The following TRPC3 variants were observed in gnomAD, a reference collection of about 807,000 sequenced individuals.
TRPC3 encodes short transient receptor potential channel 3.
TRPC3 carries 54 observed loss-of-function variants against 90.9 expected under a neutral mutation model. That is an observed-to-expected ratio of 0.59 (90% CI 0.48 to 0.75). The LOEUF (loss-of-function observed/expected upper bound fraction) is 0.75. Among genes scored for constraint, TRPC3 ranks in the 30% least tolerant of loss-of-function variants. The pLI is 0.00. For missense variants in TRPC3, 918 were observed against 1,194.5 expected, an observed-to-expected ratio of 0.77 and a Z score of 3.41; for synonymous variants, 424 against 450.9, an observed-to-expected ratio of 0.94 and a Z score of 0.75.
intron 2 of TRPC3, among the ~76,000 whole-genome samples, chr4:121,927,725 T>C (rs757334406): frequency 6.6e-6 from 1 of 152,144 alleles, no homozygotes; most frequent in Non-Finnish European, 1.5e-5. Flanking sequence ...GAAATTCAGA[T>C]AAAGAACAGT....
intron 6 of TRPC3, 74 bp downstream of exon 6, chr4:121,910,080 T>C (rs982591526): frequency 3.5e-6 from 4 of 1,140,314 alleles, no homozygotes; most frequent in African/African-American, 3.1e-5. Flanking sequence ...CATACTCCAA[T>C]TGGCATTTCC....
chr4:121,938,631 T>C (rs1370004859), intron 1 of TRPC3, among the ~76,000 whole-genome samples: 1 of 152,186 alleles, frequency 6.6e-6, no homozygotes, highest in Non-Finnish European at 1.5e-5. Flanking sequence ...AGGTATAATT[T>C]TCTCTGTTTC....
At chr4:121,929,303 C>T (rs1729815880) in intron 2 of TRPC3, among the ~76,000 whole-genome samples, 1 of 152,014 alleles carries the variant, frequency 6.6e-6, no homozygotes, top group Admixed American at 6.6e-5. Flanking sequence ...TTCTTCCTTA[C>T]AGCTGTAGTG....
In TRPC3 at chr4:121,909,639, C is replaced by T. The variant is rs139494891; in HGVS notation, c.1792+515G>A. Among the ~76,000 whole-genome samples, 659 of 152,162 alleles carry T rather than the reference C, an allele frequency of 4.3e-3. 2 individuals carry two copies. Among genetic ancestry groups the T allele is most frequent in the Middle Eastern group, 0.014 (4 of 294 alleles). ...CATGCCATGTGAACAGGACAACATC[C>T]TCCCAAAATATTTCTGCTGGTTCTC... is the stretch of plus-strand genomic sequence containing the variant. On this transcript the variant is annotated intron_variant, in intron 6 of 11. Coordinates refer to ENST00000379645, the MANE Select transcript of TRPC3 (RefSeq NM_001130698.2).
chr4:121,943,182 AT>A (rs1378469029), intron 1 of TRPC3, among the ~76,000 whole-genome samples: 1 of 110,334 alleles, frequency 9.1e-6, no homozygotes, highest in African/African-American at 3.0e-5. Context: ...GGAACAGATA[AT>A]TTTCCCCCCC....
chr4:121,925,757 C>T (rs1167927453), intron 2 of TRPC3, among the ~76,000 whole-genome samples: 1 of 152,194 alleles, frequency 6.6e-6, no homozygotes, highest in African/African-American at 2.4e-5. Context: ...AATCATTTCA[C>T]ATTGTATACA....
At chr4:121,912,838 C>G (rs1398226025) in intron 4 of TRPC3, among the ~76,000 whole-genome samples, 2 of 152,184 alleles carry the variant, frequency 1.3e-5, no homozygotes, top group Non-Finnish European at 2.9e-5. Context: ...GATATAATGT[C>G]CTTAAAAGTC....
At chr4:121,911,611 T>A (rs1729094804) in intron 5 of TRPC3, among the ~76,000 whole-genome samples, 1 of 152,190 alleles carries the variant, frequency 6.6e-6, no homozygotes, top group South Asian at 2.1e-4. Flanking sequence ...TACATCTTGT[T>A]CAATAATTGA....
At position 121,925,088 on chromosome 4, in the gene TRPC3, G is replaced by A; in HGVS notation, c.1106C>T (p.Pro369Leu). Residue 369 changes from proline (P) to leucine (L), a missense_variant, in exon 3 of 12, where the codon CCT becomes CTT. Pro to Leu is a moderately conservative substitution (Grantham distance 98). Around this residue, in one of 4 missense-constraint regions of TRPC3, gnomAD observed 609 missense variants for 725.9 expected, o/e 0.84. Transcript: ENST00000379645. ...ILNGDLESAEPLEVHRHKASL... is the reference protein window; with the variant it reads ...ILNGDLESAELLEVHRHKASL... Reference sequence around the variant, plus strand: ...AGCTTTGTGCCTGTGTACCTCCAGAGGCTCTGCTGATTCCAGATCTCCATT... The same window carrying A: ...AGCTTTGTGCCTGTGTACCTCCAGAAGCTCTGCTGATTCCAGATCTCCATT... The A allele has an allele frequency of 6.2e-7, 1 of 1,614,076 alleles. No homozygotes were observed. Among genetic ancestry groups the A allele is most frequent in the Non-Finnish European group, 8.5e-7 (1 of 1,180,000 alleles).
chr4:121,916,526 G>A (rs1729323271), intron 3 of TRPC3, among the ~76,000 whole-genome samples: 1 of 152,180 alleles, frequency 6.6e-6, no homozygotes, highest in African/African-American at 2.4e-5. Context: ...GAGGTAATTA[G>A]ATCATGAGGG....
Position 121,888,561 on chromosome 4 carries a change from T to C in TRPC3, c.2548-6132A>G, listed in dbSNP as rs1393801312. ...AATCCCTATTTAGCAGACCAAGTTC[T>C]GTTTTTTTTTTTTTTAGTAGAGACA... On this transcript the variant is annotated intron_variant, in intron 10 of 11. Coordinates refer to ENST00000379645, the MANE Select transcript of TRPC3 (RefSeq NM_001130698.2). Among the ~76,000 whole-genome samples the C allele has an allele frequency of 2.2e-5, 3 of 136,366 alleles. No individual in the cohort carries two copies. The East Asian group carries it at 7.2e-4, about 33-fold the overall frequency. The allele number at this position is 136,366 out of a possible 152,430, so 89.5% of individuals were successfully genotyped here.
chr4:121,938,798 A>C (rs1160540964), intron 1 of TRPC3, among the ~76,000 whole-genome samples: 1 of 152,052 alleles, frequency 6.6e-6, no homozygotes, highest in Non-Finnish European at 1.5e-5. Flanking sequence ...AACTATGCCC[A>C]GCATCTTGCT....
chr4:121,950,301 C>T (rs1259101157), intron 1 of TRPC3, among the ~76,000 whole-genome samples: 1 of 152,240 alleles, frequency 6.6e-6, no homozygotes, highest in Non-Finnish European at 1.5e-5. Flanking sequence ...CCTGGGGATG[C>T]AGGGGTCATC....
intron 9 of TRPC3, among the ~76,000 whole-genome samples, chr4:121,901,540 A>G (rs772177909): frequency 6.6e-6 from 1 of 152,250 alleles, no homozygotes; most frequent in Non-Finnish European, 1.5e-5. Flanking sequence ...AAATGGGAAT[A>G]ATGATAATAC....
At chr4:121,925,268 T>A (rs947764193) in intron 2 of TRPC3, 62 bp from the exon 3 acceptor site, 1 of 1,504,546 alleles carries the variant, frequency 6.6e-7, no homozygotes, top group Non-Finnish European at 8.9e-7. Flanking sequence ...TGGAAAGTAT[T>A]TGGGTGAATT....
intron 10 of TRPC3, among the ~76,000 whole-genome samples, chr4:121,889,596 AG>A (rs565268292): frequency 1.3e-5 from 2 of 152,314 alleles, no homozygotes; most frequent in Admixed American, 1.3e-4. Flanking sequence ...ATGGATGTGG[AG>A]AAAGAGAACT....
chr4:121,921,619 G>A (rs888076030), intron 3 of TRPC3, among the ~76,000 whole-genome samples: 4 of 151,804 alleles, frequency 2.6e-5, no homozygotes, highest in Non-Finnish European at 5.9e-5. Context: ...GGAATTATGG[G>A]TTGATTTGAA....
intron 9 of TRPC3, among the ~76,000 whole-genome samples, chr4:121,900,229 G>C (rs937869222): frequency 1.3e-5 from 2 of 152,128 alleles, no homozygotes; most frequent in African/African-American, 4.8e-5. Context: ...AAAGAATTTT[G>C]GTTTCCTTTT....
chr4:121,913,969 G>C (rs1453009351), intron 4 of TRPC3, among the ~76,000 whole-genome samples: 3 of 152,124 alleles, frequency 2.0e-5, no homozygotes, highest in South Asian at 2.1e-4. Flanking sequence ...AACTACCTCT[G>C]ACTTAAACAA....
Sources: allele counts gnomAD v4.1 joint callset (sites outside exome capture counted in the v4.1 genomes callset), GRCh38; gene constraint gnomAD v4.1.1; regional missense constraint gnomAD v4.1.1; transcripts MANE v1.5; gene names NCBI Gene and HGNC (gene_info 2026-07-23, HGNC 2026-07-21).